CEACAM4: variants seen among roughly 807,000 people sequenced by gnomAD.
CEACAM4 encodes the protein cell adhesion molecule CEACAM4.
A neutral mutation model predicts 28.7 loss-of-function variants in CEACAM4; 30 were observed. The ratio of observed to expected loss-of-function variants is 1.05; its 90% confidence interval spans 0.78 to 1.42. The LOEUF is 1.42. CEACAM4 is among the 40% of genes most tolerant of loss of function. The pLI is 0.00. For synonymous variants in CEACAM4, 143 were observed against 126.5 expected, an observed-to-expected ratio of 1.13 and a Z score of -0.87; for missense variants, 330 against 308.2, an observed-to-expected ratio of 1.07 and a Z score of -0.53.
intron 4 of CEACAM4, 64 bp downstream of exon 4, chr19:41,620,511 G>A (rs2071209266): frequency 7.2e-7 from 1 of 1,393,466 alleles, no homozygotes; most frequent in South Asian, 1.2e-5. Flanking sequence ...GGGGGTGACT[G>A]GCAGGAGTGG....
At position 41,626,946 on chromosome 19, in the gene CEACAM4, G is replaced by A. The variant is rs782500444; in HGVS notation, c.18C>T (p.Ala6=). The A allele has an allele frequency of 2.5e-5, 40 of 1,604,810 alleles. No individual in the cohort carries two copies. The highest frequency in any genetic ancestry group is 4.0e-5 in the African/African-American group (3 of 74,402). Residue 6 remains alanine (A), a synonymous_variant, in exon 1 of 7, where the codon GCC becomes GCT. Transcript: ENST00000221954. Reference sequence around the variant, plus strand: ...AGGGCCTGTGCCCTCCACGGGGAGCGGCTGAGGGGGGGCCCATGGTCTCTG... The same window carrying A: ...AGGGCCTGTGCCCTCCACGGGGAGCAGCTGAGGGGGGGCCCATGGTCTCTG... The part of the protein sequence containing the change: MGPPS[A]APRGGHRPWQ...
rs1555804102 is a variant in CEACAM4, at chr19:41,626,099, T to TGTG, written c.65-142_65-140dup. 1.1e-4 allele frequency: 71 copies of TGTG among 620,308 alleles called. 1 individual carries two copies. The African/African-American group carries it at 1.2e-3, about 11-fold the overall frequency. The allele number at this position is 620,308 out of a possible 1,614,324, so 38.4% of individuals were successfully genotyped here. On this transcript the variant is annotated intron_variant, in intron 1 of 6. Coordinates refer to ENST00000221954, the MANE Select transcript of CEACAM4 (RefSeq NM_001817.4). The stretch of plus-strand genomic sequence containing the variant: ...GTGTGTGTGTGTGTGTGTGTGTGTG[T>TGTG]GTGTGTGTGTGTGTGTGTGTGTGTG...
chr19:41,626,071 T>A, intron 1 of CEACAM4, 111 bp from the exon 2 acceptor site: 3 of 35,380 alleles, frequency 8.5e-5, no homozygotes, highest in African/African-American at 1.6e-4. Context: ...GGAGTGTGTG[T>A]GTGTGTGTGT....
At position 41,626,784 on chromosome 19, in the gene CEACAM4, CCT is replaced by C. The variant is rs1196417341; in HGVS notation, c.64+114_64+115del. On this transcript the variant is annotated intron_variant, in intron 1 of 6. Transcript: ENST00000221954. ...AGCCTCCAACAGAGGCCCTCAGTCC[CCT>C]CTCAGAGCCCCAGGAGACCCCAGCC... 6.3e-6 allele frequency: 5 copies of C among 795,250 alleles called. No homozygotes were observed. In the African/African-American group the frequency reaches 8.9e-5, roughly 14 times the overall value. The allele number at this position is 795,250 out of a possible 1,614,324, so 49.3% of individuals were successfully genotyped here. A position where few individuals can be genotyped will look rare whatever the true frequency, so the allele number is the denominator to read the frequency against.
chr19:41,620,038 G>A (rs986572404), intron 5 of CEACAM4, among the ~76,000 whole-genome samples, 173 bp downstream of exon 5: 1 of 152,144 alleles, frequency 6.6e-6, no homozygotes, highest in African/African-American at 2.4e-5. Flanking sequence ...ACATGGCGTG[G>A]GTGGTCCTGG....
chr19:41,619,969 T>C (rs572576400), intron 5 of CEACAM4, among the ~76,000 whole-genome samples: 1 of 152,140 alleles, frequency 6.6e-6, no homozygotes, highest in Non-Finnish European at 1.5e-5. Context: ...GTGTCCACTC[T>C]GCACCTGCTG....
intron 2 of CEACAM4, among the ~76,000 whole-genome samples, chr19:41,622,847 CATATAT>C (rs67983728): frequency 1.6e-5 from 2 of 123,546 alleles, no homozygotes; most frequent in African/African-American, 6.6e-5. Flanking sequence ...CATATATATA[CATATAT>C]ATAGATAGAT....
chr19:41,619,774 G>A, intron 5 of CEACAM4, 63 bp from the exon 6 acceptor site: 1 of 1,372,366 alleles, frequency 7.3e-7, no homozygotes, highest in Non-Finnish European at 9.9e-7. Context: ...GCCCAGCCTG[G>A]AAGGTTCCTG....
chr19:41,621,404 G>T, intron 3 of CEACAM4, among the ~76,000 whole-genome samples: 1 of 150,828 alleles, frequency 6.6e-6, no homozygotes, highest in Non-Finnish European at 1.5e-5. Context: ...CTCCCTCCAG[G>T]CAGCTGTGGC....
intron 1 of CEACAM4, among the ~76,000 whole-genome samples, chr19:41,626,667 C>T (rs1477542259): frequency 2.0e-5 from 3 of 152,170 alleles, no homozygotes; most frequent in African/African-American, 7.2e-5. Context: ...GACGAGAGAA[C>T]ACTTGAGATT....
At chr19:41,622,086 C>CT (rs1358101181) in intron 2 of CEACAM4, among the ~76,000 whole-genome samples, 46 of 148,366 alleles carry the variant, frequency 3.1e-4, no homozygotes, top group East Asian at 7.9e-4. Context: ...TTTTCTTTTT[C>CT]TTTTTTTTTT....
chr19:41,620,968 G>A (rs782571236), intron 3 of CEACAM4, among the ~76,000 whole-genome samples: 10 of 151,980 alleles, frequency 6.6e-5, no homozygotes, highest in African/African-American at 1.5e-4. Context: ...AAGCAGGGCC[G>A]GCTGTGTGTG....
intron 5 of CEACAM4, 103 bp from the exon 6 acceptor site, chr19:41,619,814 C>A (rs912448115): frequency 3.2e-6 from 3 of 948,302 alleles, no homozygotes; most frequent in East Asian, 2.8e-5. Context: ...TACTTCCCTG[C>A]CTCCACTTCC....
chr19:41,617,110 A>C (rs1555799018), downstream of CEACAM4, among the ~76,000 whole-genome samples: 1 of 152,182 alleles, frequency 6.6e-6, no homozygotes, highest in Admixed American at 6.5e-5. Context: ...TCCTATCTGC[A>C]TGCTCCCTGC....
At chr19:41,623,543 G>C (rs941421132) in intron 2 of CEACAM4, among the ~76,000 whole-genome samples, 4 of 151,658 alleles carry the variant, frequency 2.6e-5, no homozygotes, top group Non-Finnish European at 4.4e-5. Flanking sequence ...GTGGTGAGTG[G>C]GGGGAGGGAG....
chr19:41,620,376 G>A, intron 4 of CEACAM4, 134 bp from the exon 5 acceptor site: 1 of 903,266 alleles, frequency 1.1e-6, no homozygotes, highest in Non-Finnish European at 1.6e-6. Context: ...CTGAGCAGCT[G>A]AGGTCGAGGA....
the CEACAM4 span, among the ~76,000 whole-genome samples, chr19:41,613,607 G>T: frequency 3.3e-5 from 5 of 151,964 alleles, no homozygotes; most frequent in African/African-American, 1.2e-4. Flanking sequence ...CTTTATTAGG[G>T]TACAGAATAT....
chr19:41,621,557 G>A (rs552885148), intron 3 of CEACAM4, 94 bp downstream of exon 3: 26 of 662,808 alleles, frequency 3.9e-5, no homozygotes, highest in African/African-American at 3.2e-4. Flanking sequence ...GGGAGGATGC[G>A]GAAAGCCTGG....
At chr19:41,619,474 C>G in intron 6 of CEACAM4, 79 bp from the exon 7 acceptor site, 1 of 1,590,934 alleles carries the variant, frequency 6.3e-7, no homozygotes, top group Non-Finnish European at 8.6e-7. Context: ...TCTGGGCCCA[C>G]CCAGGGCTTC....
Sources: allele counts gnomAD v4.1 joint callset (sites outside exome capture counted in the v4.1 genomes callset), GRCh38; gene constraint gnomAD v4.1.1; transcripts MANE v1.5; gene names NCBI Gene and HGNC (gene_info 2026-07-23, HGNC 2026-07-21).